Variants in CCDC57 observed in about 807,000 individuals in gnomAD.
CCDC57 encodes coiled-coil domain-containing protein 57.
CCDC57 carries 118 observed loss-of-function variants against 118.9 expected under a neutral mutation model. The ratio of observed to expected loss-of-function variants is 0.99; its 90% CI spans 0.86 to 1.16. The LOEUF is 1.16. Among genes scored for constraint, CCDC57 ranks in the 50% most tolerant of loss-of-function variants. The probability of loss-of-function intolerance (pLI) is 0.00; values close to 1 mark genes in which losing one functional copy is unlikely to be tolerated. For synonymous variants in CCDC57, 527 were observed against 532.9 expected (o/e 0.99, Z 0.15); for missense variants, 1,300 against 1,320.7 (o/e 0.98, Z 0.24).
intron 15 of CCDC57, 28 bp from the exon 15 acceptor site, chr17:82,151,801 C>G: frequency 4.5e-6 from 7 of 1,541,782 alleles, no homozygotes; most frequent in Non-Finnish European, 6.1e-6. Context: ...GGCAGACACC[C>G]CTGTGAGGCT....
chr17:82,194,440 A>G (rs1412857494), intron 5 of CCDC57, among the ~76,000 whole-genome samples: 1 of 151,850 alleles, frequency 6.6e-6, no homozygotes, highest in Non-Finnish European at 1.5e-5. Flanking sequence ...CCTCACGAGT[A>G]GCTGGGATTA....
exon 20 of CCDC57, chr17:82,101,596 C>CA: frequency 8.4e-7 from 1 of 1,190,008 alleles, no homozygotes; most frequent in Non-Finnish European, 1.2e-6. Context: ...GCTGTGCCCA[C>CA]ACCCCCCCAC....
intron 19 of CCDC57, among the ~76,000 whole-genome samples, chr17:82,115,265 G>A (rs1015634753): frequency 1.4e-5 from 2 of 139,954 alleles, no homozygotes; most frequent in African/African-American, 2.6e-5. Context: ...CGGGCTGTCC[G>A]GGAAGAGGGG....
At chr17:82,151,636 G>A (rs756181243) in exon 16 of CCDC57, 3 of 1,550,298 alleles carry the variant, frequency 1.9e-6, no homozygotes, top group South Asian at 1.2e-5. Flanking sequence ...GGAGGCTGAT[G>A]ATTTTTCTGG....
At chr17:82,130,336 G>C (rs537652593) in intron 17 of CCDC57, among the ~76,000 whole-genome samples, 33 of 151,526 alleles carry the variant, frequency 2.2e-4, no homozygotes, top group African/African-American at 7.5e-4. Flanking sequence ...TGGGATTACA[G>C]ATGCCCACCC....
At chr17:82,163,959 G>A (rs955518434) in intron 13 of CCDC57, among the ~76,000 whole-genome samples, 1 of 152,128 alleles carries the variant, frequency 6.6e-6, no homozygotes, top group African/African-American at 2.4e-5. Flanking sequence ...AGGATCCCTC[G>A]ATCCCAGGAA....
At chr17:82,198,384 T>C (rs752851847) in exon 4 of CCDC57, 1 of 1,613,608 alleles carries the variant, frequency 6.2e-7, no homozygotes, top group South Asian at 1.1e-5. Flanking sequence ...TAGATTTTCA[T>C]ACTGTTCCCG....
In CCDC57 at chr17:82,192,718, C is replaced by T. The variant is rs2146713554; in HGVS notation, c.851+1038G>A. On this transcript the variant is annotated intron_variant, in intron 7 of 19. Transcript: ENST00000665763. The surrounding 1 kb of genome is among the most constrained non-coding windows in gnomAD (Gnocchi z 4.0). ...GCCAGCTGAGGGCACAACCCTCTCT[C>T]GCTGCCACCAGTAGGGTCTGCAGAG... Among the ~76,000 whole-genome samples, 1 of 152,334 alleles carries T rather than the reference C, an allele frequency of 6.6e-6. No individual in the cohort carries two copies. The highest frequency in any genetic ancestry group is 6.5e-5 in the Admixed American group (1 of 15,304).
In CCDC57 at chr17:82,144,545, G is replaced by C. The variant is rs941734133; in HGVS notation, c.2455+7015C>G. Among the ~76,000 whole-genome samples, 3 of 151,522 alleles carry C rather than the reference G, an allele frequency of 2.0e-5. No homozygotes were observed. In the Admixed American group the frequency reaches 2.0e-4, roughly 10 times the overall value. ...AGTCTGAGTATAAAGCCTTGTGTCCGATCAACTGCTCTCCAGGCTCCTGGA... is the reference window on the plus strand; with the variant it reads ...AGTCTGAGTATAAAGCCTTGTGTCCCATCAACTGCTCTCCAGGCTCCTGGA... On this transcript the variant is annotated intron_variant, in intron 16 of 19. Coordinates refer to ENST00000665763, the Ensembl canonical transcript of CCDC57.
chr17:82,111,332 AC>A (rs11285146), intron 19 of CCDC57, among the ~76,000 whole-genome samples: 144,776 of 144,822 alleles, frequency 1, 72,365 homozygotes, highest in Non-Finnish European at 1. Flanking sequence ...CGATCTCCTG[AC>A]CCTCGTGATC....
intron 12 of CCDC57, 98 bp from the exon 12 acceptor site, chr17:82,171,951 C>T (rs966533466): frequency 2.0e-5 from 26 of 1,302,654 alleles, no homozygotes; most frequent in Middle Eastern, 3.8e-4. Flanking sequence ...CCAGCTCATG[C>T]CCGCCAGCTT....
chr17:82,177,143 G>T (rs2045623858), intron 11 of CCDC57, among the ~76,000 whole-genome samples: 1 of 152,032 alleles, frequency 6.6e-6, no homozygotes, highest in Non-Finnish European at 1.5e-5. Context: ...GCTTTGGGAG[G>T]CTTAGGCAGG....
chr17:82,101,652 C>A (rs766595236), exon 20 of CCDC57: 3 of 1,563,852 alleles, frequency 1.9e-6, no homozygotes, highest in Middle Eastern at 1.7e-4. Context: ...CCCCGAGCAC[C>A]CCTTAGTGGG....
chr17:82,165,258 G>A lies in CCDC57; in HGVS notation c.1883-1901C>T, dbSNP rs556284564. Reference sequence around the variant, plus strand: ...GAATTCATCCCAGAACTGCACGGGCGGTTTAACCCGACGGAGCCCCTACAG... The same window carrying A: ...GAATTCATCCCAGAACTGCACGGGCAGTTTAACCCGACGGAGCCCCTACAG... On this transcript the variant is annotated intron_variant, in intron 13 of 19. Coordinates refer to ENST00000665763, the Ensembl canonical transcript of CCDC57. Among the ~76,000 whole-genome samples, 28 of 152,304 alleles carry A rather than the reference G, an allele frequency of 1.8e-4. 1 individual carries two copies. Among genetic ancestry groups the A allele is most frequent in the African/African-American group, 6.7e-4 (28 of 41,564 alleles).
chr17:82,149,357 A>G (rs1265829385), intron 16 of CCDC57, among the ~76,000 whole-genome samples: 1 of 151,964 alleles, frequency 6.6e-6, no homozygotes, highest in Non-Finnish European at 1.5e-5. Flanking sequence ...TGGATGACTC[A>G]CTGAAACACT....
rs572931402 is a variant in CCDC57, at chr17:82,122,190, T to A, written c.2899+5502A>T. On this transcript the variant is annotated intron_variant, in intron 19 of 19. Transcript: ENST00000665763. The stretch of plus-strand genomic sequence containing the variant: ...CCTCCTTCAGAGCCTGTGGCCGGCC[T>A]CGGGCTCTCAGCCTGGATGCTGAGC... Among the ~76,000 whole-genome samples, 16 of 152,284 alleles carry A rather than the reference T, an allele frequency of 1.1e-4. No individual in the cohort carries two copies. The South Asian group carries it at 2.5e-3, about 24-fold the overall frequency.
intron 4 of CCDC57, 65 bp downstream of exon 3, chr17:82,198,249 G>A: frequency 3.2e-6 from 3 of 950,958 alleles, no homozygotes; most frequent in Non-Finnish European, 3.3e-6. Flanking sequence ...AGCCCTATAT[G>A]ATTTCAGTTT....
chr17:82,202,567 T>C (rs928732647), intron 2 of CCDC57, among the ~76,000 whole-genome samples: 6 of 151,846 alleles, frequency 4.0e-5, no homozygotes, highest in African/African-American at 1.5e-4. Context: ...CTGGCCAACA[T>C]GGTGAAACCC....
At chr17:82,171,807 C>G in exon 13 of CCDC57, 3 of 1,613,934 alleles carry the variant, frequency 1.9e-6, no homozygotes. Context: ...GAGTTTTAAA[C>G]TTATGCTTTA....
Sources: gnomAD v4.1 joint callset for allele counts (sites outside exome capture counted in the v4.1 genomes callset) on GRCh38, gnomAD v4.1.1 for gene constraint, Gnocchi (gnomAD v3.1) non-coding constraint, MANE v1.5 for transcripts, NCBI Gene and HGNC (gene_info 2026-07-23, HGNC 2026-07-21) for gene names.